Variants in DPP10 observed in about 807,000 individuals in gnomAD.
DPP10 encodes inactive dipeptidyl peptidase 10.
DPP10 carries 33 observed loss-of-function variants against 120.9 expected under a neutral mutation model. The ratio of observed to expected loss-of-function variants is 0.27; its 90% CI spans 0.21 to 0.37. The LOEUF is 0.37. Among genes scored for constraint, DPP10 ranks in the 10% least tolerant of loss-of-function variants. The probability of loss-of-function intolerance (pLI) is 1.00; values close to 1 mark genes in which losing one functional copy is unlikely to be tolerated. For synonymous variants in DPP10, 337 were observed against 326.1 expected, an observed-to-expected ratio of 1.03 and a Z score of -0.36; for missense variants, 816 against 942.8, an observed-to-expected ratio of 0.87 and a Z score of 1.76.
chr2:114,602,916 T>C (rs1032057974), intron 1 of DPP10, among the ~76,000 whole-genome samples: 5 of 152,058 alleles, frequency 3.3e-5, no homozygotes, highest in African/African-American at 1.2e-4. Flanking sequence ...AATTTGAGTT[T>C]GGAGTTGATT....
intron 1 of DPP10, among the ~76,000 whole-genome samples, chr2:114,609,514 A>G (rs538540998): frequency 1.8e-4 from 28 of 152,294 alleles, no homozygotes; most frequent in Admixed American, 1.8e-3. Context: ...ATGGGACAAG[A>G]GTCAGGAGGT....
chr2:114,866,393 C>T (rs1057308267), intron 1 of DPP10, among the ~76,000 whole-genome samples: 3 of 151,966 alleles, frequency 2.0e-5, no homozygotes, highest in African/African-American at 4.8e-5. Flanking sequence ...AATATACTCT[C>T]TGAAAACTGG....
chr2:114,663,302 A>T (rs1490121632), intron 1 of DPP10, among the ~76,000 whole-genome samples: 1 of 150,088 alleles, frequency 6.7e-6, no homozygotes, highest in African/African-American at 2.4e-5. Context: ...ATATACATAT[A>T]TACATACACA....
chr2:115,018,295 TGTGG>T (rs1702816165), intron 1 of DPP10, among the ~76,000 whole-genome samples: 1 of 152,200 alleles, frequency 6.6e-6, no homozygotes, highest in Non-Finnish European at 1.5e-5. Flanking sequence ...TGGAAGACAG[TGTGG>T]TGATTCCTCC....
intron 1 of DPP10, among the ~76,000 whole-genome samples, chr2:114,993,867 A>C (rs557074067): frequency 2.6e-4 from 40 of 152,244 alleles, no homozygotes; most frequent in African/African-American, 9.4e-4. Context: ...ATTGAAGTCC[A>C]AATTGACTGC....
At chr2:115,760,609 T>C (rs1679991615) in intron 11 of DPP10, among the ~76,000 whole-genome samples, 1 of 152,214 alleles carries the variant, frequency 6.6e-6, no homozygotes, top group Non-Finnish European at 1.5e-5. Context: ...CATTTCTCTT[T>C]GAGTAGAATG....
chr2:115,453,679 G>A (rs2073302081), intron 3 of DPP10, among the ~76,000 whole-genome samples: 1 of 151,400 alleles, frequency 6.6e-6, no homozygotes, highest in South Asian at 2.1e-4. Context: ...GTCTATTTTA[G>A]GGAAGAATAA....
At chr2:115,584,170 C>A (rs1216556036) in intron 5 of DPP10, among the ~76,000 whole-genome samples, 1 of 152,146 alleles carries the variant, frequency 6.6e-6, no homozygotes, top group Non-Finnish European at 1.5e-5. Flanking sequence ...TGTTTAACTT[C>A]TTTTTCTAAC....
intron 1 of DPP10, among the ~76,000 whole-genome samples, chr2:114,853,789 G>A (rs1167983172): frequency 6.6e-6 from 1 of 152,168 alleles, no homozygotes; most frequent in Non-Finnish European, 1.5e-5. Context: ...GGGCCACATG[G>A]TGAGGTACTG....
At chr2:114,683,594 TTC>T (rs1699175095) in intron 1 of DPP10, among the ~76,000 whole-genome samples, 1 of 150,498 alleles carries the variant, frequency 6.6e-6, no homozygotes, top group Non-Finnish European at 1.5e-5. Context: ...TTTTCTTTTT[TTC>T]TTTCTTTCTT....
intron 1 of DPP10, among the ~76,000 whole-genome samples, chr2:114,885,479 A>G (rs1421814698): frequency 6.6e-6 from 1 of 152,192 alleles, no homozygotes; most frequent in Non-Finnish European, 1.5e-5. Flanking sequence ...ATCACCCTTC[A>G]TGCTTATGCT....
At chr2:115,438,234 A>C (rs1296321225) in intron 3 of DPP10, among the ~76,000 whole-genome samples, 1 of 152,156 alleles carries the variant, frequency 6.6e-6, no homozygotes, top group Non-Finnish European at 1.5e-5. Context: ...TATTGCAACA[A>C]CAACAAAAAT....
intron 1 of DPP10, among the ~76,000 whole-genome samples, chr2:114,771,920 C>A (rs571075178): frequency 2.2e-4 from 33 of 152,096 alleles, no homozygotes; most frequent in Non-Finnish European, 2.5e-4. Flanking sequence ...ACACCCTTTA[C>A]TCTCAGGCCA....
At position 115,456,955 on chromosome 2, in the gene DPP10, A is replaced by G. The variant is rs145265508; in HGVS notation, c.272-42555A>G. 3.8e-3 allele frequency among the ~76,000 whole-genome samples: 465 copies of G among 123,302 alleles called. 7 individuals carry two copies. The highest frequency in any genetic ancestry group is 5.7e-4 in the Non-Finnish European group (29 of 51,016). The allele number at this position is 123,302 out of a possible 152,430, so 80.9% of individuals were successfully genotyped here. On this transcript the variant is annotated intron_variant, in intron 3 of 25. Transcript: ENST00000410059. ...GCACATTCTGCACACGTACCCCAGA[A>G]CTTAAAGTATAATAATAAAAACAAA...
intron 1 of DPP10, among the ~76,000 whole-genome samples, chr2:115,112,329 C>T (rs200232698): frequency 6.6e-6 from 1 of 151,854 alleles, no homozygotes; most frequent in South Asian, 2.1e-4. Flanking sequence ...ATTCATTTTC[C>T]TTTCCGTTCT....
intron 1 of DPP10, among the ~76,000 whole-genome samples, chr2:115,032,009 T>C (rs1393123859): frequency 6.6e-6 from 1 of 152,182 alleles, no homozygotes; most frequent in East Asian, 1.9e-4. Flanking sequence ...GTATAATTTT[T>C]TTATAAAATA....
intron 1 of DPP10, among the ~76,000 whole-genome samples, chr2:114,533,395 G>A (rs1001861027): frequency 3.3e-5 from 5 of 151,946 alleles, no homozygotes; most frequent in Admixed American, 2.6e-4. Context: ...TCTTAAGAAA[G>A]GAAAAGGAGT....
intron 1 of DPP10, among the ~76,000 whole-genome samples, chr2:114,831,953 T>A (rs1016127573): frequency 1.3e-5 from 2 of 150,698 alleles, no homozygotes; most frequent in African/African-American, 2.4e-5. Context: ...TCTCTTTTTT[T>A]AAATATGTGC....
chr2:114,650,032 G>T (rs1399322623), intron 1 of DPP10, among the ~76,000 whole-genome samples: 1 of 152,060 alleles, frequency 6.6e-6, no homozygotes, highest in Non-Finnish European at 1.5e-5. Flanking sequence ...TATTGGCCAT[G>T]TTATACATTT....
Sources: gnomAD v4.1 joint callset for allele counts (sites outside exome capture counted in the v4.1 genomes callset) on GRCh38, gnomAD v4.1.1 for gene constraint, MANE v1.5 for transcripts, NCBI Gene and HGNC (gene_info 2026-07-23, HGNC 2026-07-21) for gene names.